Variants in ATP11C observed in about 807,000 individuals in gnomAD.
ATP11C encodes the protein phospholipid-transporting ATPase IG.
ATP11C carries 36 observed loss-of-function variants against 97.4 expected under a neutral mutation model. That is an observed-to-expected ratio of 0.37 (90% CI 0.28 to 0.49). The LOEUF (loss-of-function observed/expected upper bound fraction) is 0.49. ATP11C is among the 20% of genes least tolerant of loss of function. The probability of loss-of-function intolerance (pLI) is 0.98; values close to 1 mark genes in which losing one functional copy is unlikely to be tolerated. For synonymous variants in ATP11C, 275 were observed against 290.9 expected, an observed-to-expected ratio of 0.95 and a Z score of 0.56; for missense variants, 730 against 824.6, an observed-to-expected ratio of 0.89 and a Z score of 1.40.
chrX:139,768,504 T>TTTTTTTTTTTGAG, intron 19 of ATP11C, 70 bp from the exon 20 acceptor site: 1 of 834,972 alleles, frequency 1.2e-6, no homozygotes, highest in South Asian at 4.9e-5. Context: ...ATTTTTTTTT[T>TTTTTTTTTTTGAG]AAACAACAAA....
rs548069996 is a variant in ATP11C at position 139,853,167 on chromosome X, G to T, written c.28-26344C>A. Among the ~76,000 whole-genome samples the T allele has an allele frequency of 4.3e-4, 48 of 111,808 alleles. No homozygotes were observed. In the South Asian group the frequency reaches 0.018, roughly 42 times the overall value. ...CACAAACCCCCCCTTTCTTCTTAGA[G>T]GAAGAAAAAGTAGCTCCACTCCCGC... On this transcript the variant is annotated intron_variant, in intron 1 of 29. Coordinates refer to ENST00000682941, the MANE Select transcript of ATP11C (RefSeq NM_001353812.2).
chrX:139,869,886 C>CAA lies in ATP11C; in HGVS notation c.28-43065_28-43064dup, dbSNP rs59723137. On this transcript the variant is annotated intron_variant, in intron 1 of 29. Coordinates refer to ENST00000682941, the MANE Select transcript of ATP11C (RefSeq NM_001353812.2). ...GAGATAATAAGTAAAACTAGACTGG[C>CAA]AAAAAAAAAAAAAAAAAAGGAAATG... 1.4e-4 allele frequency among the ~76,000 whole-genome samples: 6 copies of CAA among 42,214 alleles called. No individual in the cohort carries two copies. The South Asian group carries it at 3.3e-3, about 23-fold the overall frequency. 36.7% of individuals were successfully genotyped at this position (42,214 alleles called of 115,157 possible).
intron 23 of ATP11C, among the ~76,000 whole-genome samples, chrX:139,753,435 T>C (rs1039625170): frequency 9.0e-6 from 1 of 111,705 alleles, no homozygotes; most frequent in East Asian, 2.8e-4. Flanking sequence ...AGAACAAAGA[T>C]ACAACATACC....
At chrX:139,801,870 C>G (rs1421123601) in intron 7 of ATP11C, among the ~76,000 whole-genome samples, 1 of 111,618 alleles carries the variant, frequency 9.0e-6, no homozygotes, top group African/African-American at 3.3e-5. Flanking sequence ...GAGGATATCC[C>G]CCTTCTCTCT....
At chrX:139,844,527 A>G (rs1272951084) in intron 1 of ATP11C, among the ~76,000 whole-genome samples, 1 of 112,287 alleles carries the variant, frequency 8.9e-6, no homozygotes, top group Non-Finnish European at 1.9e-5. Context: ...CCCTAACTAA[A>G]GAGGAGAAGA....
intron 1 of ATP11C, among the ~76,000 whole-genome samples, chrX:139,906,614 T>C (rs1489084867): frequency 6.5e-5 from 7 of 108,478 alleles, no homozygotes; most frequent in Non-Finnish European, 1.3e-4. Context: ...AAACCCCGTC[T>C]CTACTAAAAA....
chrX:139,763,293 C>T (rs1239439334), intron 21 of ATP11C, 23 bp downstream of exon 21: 4 of 1,111,446 alleles, frequency 3.6e-6, no homozygotes, highest in East Asian at 3.0e-5. Flanking sequence ...TTCACAGCTG[C>T]CATCTCATTA....
chrX:139,904,628 G>A (rs1336365267), intron 1 of ATP11C, among the ~76,000 whole-genome samples: 1 of 111,797 alleles, frequency 8.9e-6, no homozygotes, highest in Non-Finnish European at 1.9e-5. Flanking sequence ...TGCAGGAAGA[G>A]GTACATAAGA....
chrX:139,731,608 A>G, intron 29 of ATP11C, 43 bp downstream of exon 29: 1 of 869,921 alleles, frequency 1.1e-6, no homozygotes, highest in South Asian at 2.8e-5. Context: ...AATGCTGTTA[A>G]TCCGATTTTT....
intron 1 of ATP11C, among the ~76,000 whole-genome samples, chrX:139,841,646 C>T (rs1475030510): frequency 8.9e-6 from 1 of 112,464 alleles, no homozygotes; most frequent in African/African-American, 3.2e-5. Context: ...CATCCCCATG[C>T]TGAGACTACA....
At chrX:139,882,584 T>C (rs1456877235) in intron 1 of ATP11C, among the ~76,000 whole-genome samples, 1 of 111,406 alleles carries the variant, frequency 9.0e-6, no homozygotes, top group Non-Finnish European at 1.9e-5. Context: ...ATAGCTTTTC[T>C]GAATCTTCTT....
chrX:139,872,682 A>G (rs2084398509), intron 1 of ATP11C, among the ~76,000 whole-genome samples: 1 of 111,216 alleles, frequency 9.0e-6, no homozygotes, highest in East Asian at 2.8e-4. Flanking sequence ...AGCTTTCTAA[A>G]TATTAGTAAC....
chrX:139,866,687 C>T (rs969075112), intron 1 of ATP11C, among the ~76,000 whole-genome samples: 5 of 109,883 alleles, frequency 4.6e-5, no homozygotes, highest in African/African-American at 1.7e-4. Context: ...CCACCACACT[C>T]TAGCATGGGT....
chrX:139,792,307 C>T (rs1224308443), intron 12 of ATP11C, among the ~76,000 whole-genome samples: 1 of 111,303 alleles, frequency 9.0e-6, no homozygotes, highest in Non-Finnish European at 1.9e-5. Flanking sequence ...GCCCCTTCCC[C>T]CATACTTCAC....
chrX:139,832,478 C>T (rs923588911), intron 1 of ATP11C, among the ~76,000 whole-genome samples: 3 of 112,631 alleles, frequency 2.7e-5, no homozygotes, highest in African/African-American at 9.7e-5. Flanking sequence ...ACCTGATTTG[C>T]CTTTGTAACT....
chrX:139,866,143 A>T (rs2084277904), intron 1 of ATP11C, among the ~76,000 whole-genome samples: 1 of 109,883 alleles, frequency 9.1e-6, no homozygotes, highest in African/African-American at 3.3e-5. Flanking sequence ...CAGGAGTTCG[A>T]GACCAGCCTG....
chrX:139,846,947 T>C (rs1270110695), intron 1 of ATP11C, among the ~76,000 whole-genome samples: 2 of 109,266 alleles, frequency 1.8e-5, no homozygotes, highest in East Asian at 5.7e-4. Context: ...AAAAAAAAAT[T>C]GTGGGACTCA....
At chrX:139,857,664 G>A (rs889350452) in intron 1 of ATP11C, among the ~76,000 whole-genome samples, 8 of 111,324 alleles carry the variant, frequency 7.2e-5, no homozygotes, top group Admixed American at 3.8e-4. Context: ...GGCCACGTGC[G>A]TCAGGGTAAG....
At chrX:139,791,638 T>C (rs2082692095) in intron 12 of ATP11C, among the ~76,000 whole-genome samples, 1 of 111,530 alleles carries the variant, frequency 9.0e-6, no homozygotes, top group African/African-American at 3.3e-5. Flanking sequence ...TCTCAGGTAG[T>C]GTTGATGCTG....
Sources: allele counts gnomAD v4.1 joint callset (sites outside exome capture counted in the v4.1 genomes callset), GRCh38; gene constraint gnomAD v4.1.1; transcripts MANE v1.5; gene names NCBI Gene and HGNC (gene_info 2026-07-23, HGNC 2026-07-21).